ARHGEF3: variants seen among roughly 807,000 people sequenced by gnomAD.
The protein encoded by ARHGEF3 is Rho guanine nucleotide exchange factor 3.
In ARHGEF3, 28 loss-of-function variants were observed where a neutral mutation model predicts 63.2. The ratio of observed to expected loss-of-function variants is 0.44; its 90% CI spans 0.33 to 0.61. The LOEUF is 0.61. Among genes scored for constraint, ARHGEF3 ranks in the 20% least tolerant of loss-of-function variants. The probability of loss-of-function intolerance (pLI) is 0.03; values close to 1 mark genes in which losing one functional copy is unlikely to be tolerated. For synonymous variants in ARHGEF3, 266 were observed against 254.2 expected (o/e 1.05, Z -0.44); for missense variants, 533 against 659.3 (o/e 0.81, Z 2.10).
At chr3:56,789,382 G>T (rs532845031) in intron 1 of ARHGEF3, among the ~76,000 whole-genome samples, 6 of 152,272 alleles carry the variant, frequency 3.9e-5, no homozygotes, top group African/African-American at 1.2e-4. Context: ...TGGCACTTTG[G>T]CATGTTCTTT....
intron 2 of ARHGEF3, among the ~76,000 whole-genome samples, chr3:56,985,540 G>C (rs913154662): frequency 6.6e-6 from 1 of 152,214 alleles, no homozygotes; most frequent in Non-Finnish European, 1.5e-5. Flanking sequence ...CCCCTGAACT[G>C]GGGCTCTGCC....
intron 4 of ARHGEF3, among the ~76,000 whole-genome samples, chr3:56,829,928 C>A (rs1421778761): frequency 1.3e-5 from 2 of 152,242 alleles, no homozygotes; most frequent in East Asian, 3.9e-4. Flanking sequence ...TATACCAGTC[C>A]CCAAATAATA....
intron 1 of ARHGEF3, among the ~76,000 whole-genome samples, chr3:56,791,316 A>T (rs2037067136): frequency 6.6e-6 from 1 of 152,058 alleles, no homozygotes; most frequent in South Asian, 2.1e-4. Context: ...TCCTAGGACT[A>T]CAGCTGTAGC....
At chr3:56,750,608 T>C (rs2034677121) in intron 6 of ARHGEF3, among the ~76,000 whole-genome samples, 1 of 151,972 alleles carries the variant, frequency 6.6e-6, no homozygotes, top group African/African-American at 2.4e-5. Flanking sequence ...CAACCTTTAC[T>C]TATGATCTTG....
At chr3:57,008,395 T>C (rs1702551163) in intron 2 of ARHGEF3, among the ~76,000 whole-genome samples, 1 of 151,992 alleles carries the variant, frequency 6.6e-6, no homozygotes, top group Non-Finnish European at 1.5e-5. Context: ...ACAGCCCGCT[T>C]GCCAAACAGA....
intron 2 of ARHGEF3, among the ~76,000 whole-genome samples, chr3:57,014,300 G>T (rs1009610641): frequency 5.9e-5 from 9 of 152,144 alleles, no homozygotes; most frequent in Admixed American, 2.6e-4. Context: ...CTTCATTCTT[G>T]AAGTCAGTGA....
chr3:57,067,868 T>A (rs6445850), intron 1 of ARHGEF3, among the ~76,000 whole-genome samples: 1 of 151,152 alleles, frequency 6.6e-6, no homozygotes, highest in Non-Finnish European at 1.5e-5. Context: ...CGGGCTCCTG[T>A]GGTCCCAGCT....
chr3:56,921,208 GAA>G (rs200898119), intron 3 of ARHGEF3, among the ~76,000 whole-genome samples: 2 of 110,394 alleles, frequency 1.8e-5, no homozygotes, highest in Non-Finnish European at 4.1e-5. Context: ...TCCATAAAAA[GAA>G]AAAAAAAAAG....
chr3:56,794,488 CAAAAAA>C (rs10557985), intron 1 of ARHGEF3, among the ~76,000 whole-genome samples: 121 of 116,906 alleles, frequency 1.0e-3, no homozygotes, highest in Admixed American at 2.0e-3. Flanking sequence ...GACTCTATCT[CAAAAAA>C]AAAAAAAAAA....
chr3:56,850,538 A>C (rs1032771635), intron 4 of ARHGEF3, among the ~76,000 whole-genome samples: 6 of 152,320 alleles, frequency 3.9e-5, no homozygotes, highest in Non-Finnish European at 7.4e-5. Context: ...TAAACAAAAC[A>C]AAACAAAACA....
chr3:57,051,942 G>A (rs1704688043), intron 1 of ARHGEF3, among the ~76,000 whole-genome samples: 1 of 151,660 alleles, frequency 6.6e-6, no homozygotes, highest in Non-Finnish European at 1.5e-5. Context: ...TAGCCTGGGT[G>A]ACAGAGTAAG....
At chr3:56,823,321 A>G (rs1268644791) in intron 4 of ARHGEF3, among the ~76,000 whole-genome samples, 3 of 152,252 alleles carry the variant, frequency 2.0e-5, no homozygotes, top group Admixed American at 2.0e-4. Context: ...ATCCTCTCAC[A>G]GGTCATTTGT....
At chr3:56,839,348 T>C (rs115879885) in intron 4 of ARHGEF3, among the ~76,000 whole-genome samples, 2,759 of 152,282 alleles carry the variant, frequency 0.018, 64 homozygotes, top group African/African-American at 0.056. Context: ...TGAATTTTTT[T>C]ATTTTCATTT....
chr3:56,774,668 G>A (rs983985364), intron 1 of ARHGEF3, among the ~76,000 whole-genome samples: 4 of 152,274 alleles, frequency 2.6e-5, no homozygotes, highest in Non-Finnish European at 4.4e-5. Context: ...TTGGGAGGGC[G>A]AAGTGGGTGG....
intron 2 of ARHGEF3, among the ~76,000 whole-genome samples, chr3:56,965,119 G>T (rs980467951): frequency 6.6e-6 from 1 of 152,058 alleles, no homozygotes; most frequent in African/African-American, 2.4e-5. Flanking sequence ...ACCAGGCATG[G>T]TAGCATGAGC....
At chr3:56,868,910 T>C (rs11714628) in intron 4 of ARHGEF3, among the ~76,000 whole-genome samples, 15,749 of 152,168 alleles carry the variant, frequency 0.1, 1,091 homozygotes, top group East Asian at 0.3. Context: ...GTATGATGTA[T>C]GGCAGAGCTC....
chr3:57,040,501 A>AAAGGAAAGG (rs1704141082), intron 1 of ARHGEF3, among the ~76,000 whole-genome samples: 1 of 134,712 alleles, frequency 7.4e-6, no homozygotes, highest in African/African-American at 2.7e-5. Context: ...AAAGAAAAGA[A>AAAGGAAAGG]AATACCAAAA....
intron 3 of ARHGEF3, among the ~76,000 whole-genome samples, chr3:56,956,476 T>C (rs11130558): frequency 0.26 from 38,970 of 152,082 alleles, 5,981 homozygotes; most frequent in East Asian, 0.39. Flanking sequence ...AAACCAAGTA[T>C]GTATCTAACA....
chr3:56,882,516 T>C (rs2040803071), intron 3 of ARHGEF3, among the ~76,000 whole-genome samples: 3 of 141,008 alleles, frequency 2.1e-5, no homozygotes, highest in African/African-American at 8.0e-5. Context: ...TTCTTTTTTT[T>C]TTTTTTTTTT....
Sources: gnomAD v4.1 joint callset for allele counts (sites outside exome capture counted in the v4.1 genomes callset) on GRCh38, gnomAD v4.1.1 for gene constraint, MANE v1.5 for transcripts, NCBI Gene and HGNC (gene_info 2026-07-23, HGNC 2026-07-21) for gene names.